MXI1: variants seen among roughly 807,000 people sequenced by gnomAD.
MXI1 encodes the protein MAX interactor 1, dimerization protein.
In MXI1, 18 loss-of-function variants were observed where a neutral mutation model predicts 36.9. That is an observed-to-expected ratio of 0.49 (90% CI 0.34 to 0.72). MXI1 has a LOEUF of 0.72. MXI1 is among the 30% of genes least tolerant of loss of function. MXI1 has a pLI of 0.01. For missense variants in MXI1, 304 were observed against 379.1 expected, an observed-to-expected ratio of 0.80 and a Z score of 1.64; for synonymous variants, 160 against 146.7, an observed-to-expected ratio of 1.09 and a Z score of -0.65.
At chr10:110,258,524 T>A (rs750408106) in intron 3 of MXI1, among the ~76,000 whole-genome samples, 1 of 152,156 alleles carries the variant, frequency 6.6e-6, no homozygotes, top group Non-Finnish European at 1.5e-5. Context: ...ACAGTATCAT[T>A]TATCAGAGAG....
At chr10:110,214,542 C>A (rs1424802377) in intron 1 of MXI1, among the ~76,000 whole-genome samples, 2 of 151,900 alleles carry the variant, frequency 1.3e-5, no homozygotes, top group Non-Finnish European at 2.9e-5. Flanking sequence ...GAAAAAAAAA[C>A]CCAGCCCTGC....
At chr10:110,222,278 G>C (rs1854836046) in intron 1 of MXI1, among the ~76,000 whole-genome samples, 1 of 152,184 alleles carries the variant, frequency 6.6e-6, no homozygotes, top group Non-Finnish European at 1.5e-5. Flanking sequence ...AGAAAACAGT[G>C]CCCTACTCAG....
intron 1 of MXI1, among the ~76,000 whole-genome samples, chr10:110,218,511 G>A (rs1854714604): frequency 6.6e-6 from 1 of 152,004 alleles, no homozygotes; most frequent in African/African-American, 2.4e-5. Flanking sequence ...TGCCCTTGAG[G>A]ATGCCTCCCT....
intron 1 of MXI1, among the ~76,000 whole-genome samples, chr10:110,209,060 A>C (rs1367108288): frequency 1.2e-5 from 1 of 82,092 alleles, no homozygotes; most frequent in East Asian, 3.8e-4. Flanking sequence ...TGGGAACCCC[A>C]CCCTGGCCTG....
intron 3 of MXI1, among the ~76,000 whole-genome samples, chr10:110,259,129 A>G (rs568474734): frequency 2.6e-5 from 4 of 152,266 alleles, no homozygotes; most frequent in South Asian, 2.1e-4. Context: ...TTGACATGGT[A>G]TATTATAGCG....
At chr10:110,212,453 TTC>T (rs1854537328) in intron 1 of MXI1, among the ~76,000 whole-genome samples, 1 of 152,230 alleles carries the variant, frequency 6.6e-6, no homozygotes, top group Admixed American at 6.5e-5. Context: ...AATGCTTTCA[TTC>T]TCTTACTCCC....
intron 3 of MXI1, among the ~76,000 whole-genome samples, chr10:110,260,315 A>C (rs1334230641): frequency 6.6e-6 from 1 of 151,976 alleles, no homozygotes; most frequent in Non-Finnish European, 1.5e-5. Context: ...GCCTACATGT[A>C]AAGTTTTGTA....
At chr10:110,211,667 C>A (rs1281743769) in intron 1 of MXI1, among the ~76,000 whole-genome samples, 3 of 152,224 alleles carry the variant, frequency 2.0e-5, no homozygotes, top group African/African-American at 7.2e-5. Context: ...GGCCACATGG[C>A]TGAATTACTT....
intron 3 of MXI1, 80 bp downstream of exon 3, chr10:110,244,937 T>C: frequency 7.3e-7 from 1 of 1,367,690 alleles, no homozygotes; most frequent in African/African-American, 1.5e-5. Flanking sequence ...AATGTAATAG[T>C]GCATATGTAG....
At chr10:110,227,425 G>A in intron 1 of MXI1, 1 of 989,840 alleles carries the variant, frequency 1.0e-6, no homozygotes, top group Non-Finnish European at 1.2e-6. Context: ...GGAGGGTGGG[G>A]CTGTGGGTGT....
chr10:110,210,883 G>C (rs1447699476), intron 1 of MXI1, among the ~76,000 whole-genome samples: 1 of 152,214 alleles, frequency 6.6e-6, no homozygotes, highest in Non-Finnish European at 1.5e-5. Flanking sequence ...CGCGCGCGGG[G>C]CTTGTTTTGC....
intron 5 of MXI1, among the ~76,000 whole-genome samples, chr10:110,281,452 AG>A (rs1857246169): frequency 6.6e-6 from 1 of 152,192 alleles, no homozygotes; most frequent in South Asian, 2.1e-4. Context: ...TGTTTAAATC[AG>A]GATCCAAAGG....
chr10:110,259,457 A>G (rs1856429929), intron 3 of MXI1, among the ~76,000 whole-genome samples: 2 of 152,124 alleles, frequency 1.3e-5, no homozygotes, highest in African/African-American at 2.4e-5. Context: ...TGCATATTGT[A>G]AAGGAATTTG....
intron 1 of MXI1, among the ~76,000 whole-genome samples, chr10:110,214,409 A>G (rs796539756): frequency 2.0e-5 from 3 of 151,970 alleles, no homozygotes; most frequent in African/African-American, 7.2e-5. Flanking sequence ...CTCCTAGGAA[A>G]CACCACCCCC....
intron 3 of MXI1, among the ~76,000 whole-genome samples, chr10:110,265,834 C>T (rs1048739704): frequency 2.0e-5 from 3 of 152,144 alleles, no homozygotes; most frequent in Non-Finnish European, 4.4e-5. Flanking sequence ...GCATGGTTCT[C>T]TCTTGGAGTT....
chr10:110,228,022 T>C, intron 1 of MXI1, 167 bp from the exon 2 acceptor site: 1 of 691,628 alleles, frequency 1.4e-6, no homozygotes, highest in East Asian at 2.7e-5. Flanking sequence ...TGTCACAGGA[T>C]TGATGTCCAG....
At chr10:110,266,057 C>T (rs1266535338) in intron 3 of MXI1, among the ~76,000 whole-genome samples, 6 of 151,940 alleles carry the variant, frequency 3.9e-5, no homozygotes, top group South Asian at 2.1e-4. Flanking sequence ...AATTTATGGT[C>T]GCTTTTCTGG....
chr10:110,224,686 G>A (rs1158199733), intron 1 of MXI1, among the ~76,000 whole-genome samples: 1 of 149,840 alleles, frequency 6.7e-6, no homozygotes, highest in Non-Finnish European at 1.5e-5. Flanking sequence ...TGTTGCCCAG[G>A]CTGGAGGCCG....
At chr10:110,277,567 A>C (rs1468232052) in intron 3 of MXI1, among the ~76,000 whole-genome samples, 1 of 152,252 alleles carries the variant, frequency 6.6e-6, no homozygotes, top group African/African-American at 2.4e-5. Flanking sequence ...TGGGTAGTAC[A>C]GCAGGGGAGG....
Sources: allele counts gnomAD v4.1 joint callset (sites outside exome capture counted in the v4.1 genomes callset), GRCh38; gene constraint gnomAD v4.1.1; transcripts MANE v1.5; gene names NCBI Gene and HGNC (gene_info 2026-07-23, HGNC 2026-07-21).